KDM2A: variants seen among roughly 807,000 people sequenced by gnomAD.
KDM2A encodes the protein lysine-specific demethylase 2A.
KDM2A carries 3 observed loss-of-function variants against 137.3 expected under a neutral mutation model. That is an observed-to-expected ratio of 0.02 (90% CI 0.01 to 0.06). The LOEUF is 0.06. Among genes scored for constraint, KDM2A ranks in the 10% least tolerant of loss-of-function variants. The pLI is 1.00. For missense variants in KDM2A, 738 were observed against 1,510.6 expected, an observed-to-expected ratio of 0.49 and a Z score of 8.48; for synonymous variants, 512 against 541.5, an observed-to-expected ratio of 0.95 and a Z score of 0.76.
At chr11:67,175,418 A>G (rs532560100) in intron 2 of KDM2A, among the ~76,000 whole-genome samples, 2 of 152,272 alleles carry the variant, frequency 1.3e-5, no homozygotes, top group African/African-American at 4.8e-5. Context: ...CCTAGATGAC[A>G]GAGACTCTGT....
intron 2 of KDM2A, among the ~76,000 whole-genome samples, chr11:67,141,088 C>T (rs1856087910): frequency 6.6e-6 from 1 of 152,244 alleles, no homozygotes; most frequent in Non-Finnish European, 1.5e-5. Flanking sequence ...TGGAGTGTCA[C>T]TCCACGTTGT....
chr11:67,123,127 GCC>G (rs1855636834), intron 2 of KDM2A, among the ~76,000 whole-genome samples: 1 of 151,698 alleles, frequency 6.6e-6, no homozygotes, highest in Non-Finnish European at 1.5e-5. Context: ...GTGCCACCAT[GCC>G]AGGGTAATTT....
Position 67,255,688 on chromosome 11 carries a change from T to G in KDM2A, c.*633T>G, listed in dbSNP as rs187487979. On this transcript the variant is annotated 3_prime_UTR_variant, in exon 21 of 21. Coordinates refer to ENST00000529006, the MANE Select transcript of KDM2A (RefSeq NM_012308.3). Reference sequence around the variant, plus strand: ...CAGCACTCGTGCTTGTTCACATAATTAGGTTTCCCACCCCAGCCTACCCGA... The same window carrying G: ...CAGCACTCGTGCTTGTTCACATAATGAGGTTTCCCACCCCAGCCTACCCGA... The G allele has an allele frequency of 3.9e-5, 16 of 407,662 alleles. No homozygotes were observed. Among genetic ancestry groups the G allele is most frequent in the Admixed American group, 3.8e-4 (14 of 37,196 alleles). The allele number at this position is 407,662 out of a possible 1,614,324, so 25.3% of individuals were successfully genotyped here. A position where few individuals can be genotyped will look rare whatever the true frequency, so the allele number is the denominator to read the frequency against.
At chr11:67,192,433 CTTTTTTTTTTTTTTT>C (rs921321640) in intron 5 of KDM2A, among the ~76,000 whole-genome samples, 111 of 70,560 alleles carry the variant, frequency 1.6e-3, no homozygotes, top group Non-Finnish European at 2.7e-3. Flanking sequence ...GTTTCCATTT[CTTTTTTTTTTTTTTT>C]TTTTTTTTTT....
At chr11:67,200,857 A>G (rs1032489122) in intron 5 of KDM2A, among the ~76,000 whole-genome samples, 1 of 152,184 alleles carries the variant, frequency 6.6e-6, no homozygotes, top group South Asian at 2.1e-4. Flanking sequence ...TCTGTGGCCC[A>G]TGGATCAAGG....
At chr11:67,183,836 C>T (rs998011171) in intron 5 of KDM2A, among the ~76,000 whole-genome samples, 2 of 150,748 alleles carry the variant, frequency 1.3e-5, no homozygotes, top group African/African-American at 4.9e-5. Flanking sequence ...GGGCCAGGCA[C>T]AGTGGGTCAT....
chr11:67,212,447 A>T (rs1275779720), intron 6 of KDM2A, among the ~76,000 whole-genome samples: 1 of 152,186 alleles, frequency 6.6e-6, no homozygotes, highest in African/African-American at 2.4e-5. Flanking sequence ...GGTAGATTTT[A>T]AAATGGCACA....
intron 13 of KDM2A, among the ~76,000 whole-genome samples, chr11:67,244,621 A>G (rs1859149497): frequency 6.6e-6 from 1 of 152,182 alleles, no homozygotes; most frequent in African/African-American, 2.4e-5. Context: ...AAAGGTCAAG[A>G]TAGTAAATAC....
rs909667966 is a variant in KDM2A, at chr11:67,119,985, T to G, written c.-148T>G. 13 of 152,434 alleles carry G rather than the reference T, an allele frequency of 8.5e-5. No homozygotes were observed. Among genetic ancestry groups the G allele is most frequent in the African/African-American group, 3.1e-4 (13 of 41,588 alleles). 9.4% of individuals were successfully genotyped at this position (152,434 alleles called of 1,614,324 possible). On this transcript the variant is annotated 5_prime_UTR_variant, in exon 1 of 21. It adds an upstream start codon to the 5' untranslated region. Transcript: ENST00000529006. ...CCGAAGACGACGTTTGGGATTTAAT[T>G]ATTCCTCTCAGCTTTGGAATCTTTT...
intron 2 of KDM2A, among the ~76,000 whole-genome samples, chr11:67,146,857 G>A (rs1856259606): frequency 6.6e-6 from 1 of 152,030 alleles, no homozygotes; most frequent in Non-Finnish European, 1.5e-5. Context: ...CCTCACTTTC[G>A]TGGATTTTAT....
intron 2 of KDM2A, among the ~76,000 whole-genome samples, chr11:67,168,598 C>A (rs1438013474): frequency 2.8e-5 from 2 of 72,050 alleles, no homozygotes; most frequent in African/African-American, 1.2e-4. Context: ...CACACACACA[C>A]ACACACACAC....
intron 5 of KDM2A, among the ~76,000 whole-genome samples, chr11:67,205,778 G>T (rs942318815): frequency 6.6e-6 from 1 of 151,874 alleles, no homozygotes; most frequent in Admixed American, 6.6e-5. Flanking sequence ...CACCGTGCCC[G>T]GCCAGACATA....
intron 2 of KDM2A, among the ~76,000 whole-genome samples, chr11:67,170,767 T>G (rs1263659237): frequency 2.0e-5 from 3 of 152,130 alleles, no homozygotes; most frequent in Non-Finnish European, 4.4e-5. Flanking sequence ...GTCCCACCAC[T>G]ACACCTTCTC....
chr11:67,248,772 G>A (rs973294061), intron 16 of KDM2A, among the ~76,000 whole-genome samples: 3 of 152,202 alleles, frequency 2.0e-5, no homozygotes, highest in Non-Finnish European at 4.4e-5. Context: ...TTCCAGTTAA[G>A]CAGGTTCACA....
chr11:67,201,118 C>T (rs1314200289), intron 5 of KDM2A, among the ~76,000 whole-genome samples: 1 of 150,816 alleles, frequency 6.6e-6, no homozygotes, highest in Non-Finnish European at 1.5e-5. Flanking sequence ...GGCGTGAACC[C>T]GGGAGGCGGA....
chr11:67,191,923 T>C (rs1037385194), intron 5 of KDM2A, among the ~76,000 whole-genome samples: 4 of 152,204 alleles, frequency 2.6e-5, no homozygotes, highest in African/African-American at 7.2e-5. Context: ...TATGACTTTT[T>C]TATTTGTTAT....
At chr11:67,242,664 C>T (rs1212419111) in intron 12 of KDM2A, among the ~76,000 whole-genome samples, 1 of 152,054 alleles carries the variant, frequency 6.6e-6, no homozygotes, top group Non-Finnish European at 1.5e-5. Context: ...TTTCTGCTCC[C>T]CCACCACCAC....
intron 12 of KDM2A, among the ~76,000 whole-genome samples, chr11:67,239,485 C>T (rs529764919): frequency 3.7e-4 from 56 of 152,252 alleles, no homozygotes; most frequent in African/African-American, 1.2e-3. Context: ...AACACATAGG[C>T]AGATTCTGGA....
intron 2 of KDM2A, among the ~76,000 whole-genome samples, chr11:67,139,061 T>G (rs1856036053): frequency 6.6e-6 from 1 of 152,154 alleles, no homozygotes; most frequent in South Asian, 2.1e-4. Flanking sequence ...GGCAGTAGTA[T>G]TAAGTTTCTG....
Sources: allele counts gnomAD v4.1 joint callset (sites outside exome capture counted in the v4.1 genomes callset), GRCh38; gene constraint gnomAD v4.1.1; transcripts MANE v1.5; gene names NCBI Gene and HGNC (gene_info 2026-07-23, HGNC 2026-07-21).